Variants in ANAPC11 observed in about 807,000 individuals in gnomAD.
The protein encoded by ANAPC11 is anaphase promoting complex subunit 11.
Under a neutral mutation model 11.8 loss-of-function variants are expected in ANAPC11, and 5 were observed. The ratio of observed to expected loss-of-function variants is 0.42; its 90% CI spans 0.22 to 0.89. The LOEUF is 0.89. Among genes scored for constraint, ANAPC11 ranks in the 40% least tolerant of loss-of-function variants. The pLI is 0.28. For synonymous variants in ANAPC11, 45 were observed against 41.0 expected, an observed-to-expected ratio of 1.10 and a Z score of -0.38; for missense variants, 68 against 112.9, an observed-to-expected ratio of 0.60 and a Z score of 1.80.
At chr17:81,899,488 G>A (rs773681686) in intron 3 of ANAPC11, 3 of 1,614,006 alleles carry the variant, frequency 1.9e-6, no homozygotes, top group African/African-American at 2.7e-5. Context: ...GACCATTCAT[G>A]TGACCTTTTT....
upstream of ANAPC11, chr17:81,890,845 C>G: frequency 1.2e-6 from 2 of 1,614,048 alleles, no homozygotes; most frequent in Non-Finnish European, 1.7e-6. Flanking sequence ...GCAACAAGAG[C>G]AGATCTGTGA....
chr17:81,894,645 G>A, intron 3 of ANAPC11, 59 bp downstream of exon 3: 1 of 1,159,426 alleles, frequency 8.6e-7, no homozygotes. Context: ...CCTCTGTGCT[G>A]TCTGCTGCCT....
At chr17:81,894,121 C>T (rs972124957) in intron 2 of ANAPC11, among the ~76,000 whole-genome samples, 1 of 151,732 alleles carries the variant, frequency 6.6e-6, no homozygotes. Flanking sequence ...ACTAAAAATA[C>T]AAAAATTAGT....
rs1341784540 is a variant in ANAPC11, at chr17:81,900,089, G to A, written c.*24G>A. On this transcript the variant is annotated 3_prime_UTR_variant, in exon 4 of 4. Coordinates refer to ENST00000344877, the MANE Select transcript of ANAPC11 (RefSeq NM_001002248.3). The stretch of plus-strand genomic sequence containing the variant: ...GAGGCCCGACCTGGCTCTCGCTGGA[G>A]GGGCATCCTGAGACTCCTTCCTCAT... 5.6e-6 allele frequency: 9 copies of A among 1,611,468 alleles called. No homozygotes were observed. The highest frequency in any genetic ancestry group is 7.6e-6 in the Non-Finnish European group (9 of 1,179,430).
Position 81,893,539 on chromosome 17 carries a change from G to T in ANAPC11, c.-74-13G>T, listed in dbSNP as rs2039627085. The T allele has an allele frequency of 6.6e-6, 1 of 151,952 alleles. No homozygotes were observed. The allele number at this position is 151,952 out of a possible 1,614,324, so 9.4% of individuals were successfully genotyped here. ...GCCACCACCTGCGGCTAATTTTTTTGTATTTTTTGTAGAGACGGAGTTTCG... is the reference window on the plus strand; with the variant it reads ...GCCACCACCTGCGGCTAATTTTTTTTTATTTTTTGTAGAGACGGAGTTTCG... On this transcript the variant is annotated splice_polypyrimidine_tract_variant and intron_variant, in intron 1 of 3. Coordinates refer to ENST00000344877, the MANE Select transcript of ANAPC11 (RefSeq NM_001002248.3).
chr17:81,891,883 G>A (rs2039544301), intron 1 of ANAPC11, 42 bp downstream of exon 1: 2 of 186,630 alleles, frequency 1.1e-5, no homozygotes, highest in Non-Finnish European at 2.2e-5. Context: ...CGCAGGGGGT[G>A]GGGCGGCGGC....
chr17:81,900,333 TAAAC>T (rs1392024045), downstream of ANAPC11: 6 of 536,660 alleles, frequency 1.1e-5, no homozygotes, highest in African/African-American at 9.7e-5. Context: ...CTCTCATGAA[TAAAC>T]ATCTCCGTGA....
At chr17:81,892,813 A>C (rs1373175847) in intron 1 of ANAPC11, among the ~76,000 whole-genome samples, 1 of 151,850 alleles carries the variant, frequency 6.6e-6, no homozygotes, top group Admixed American at 6.6e-5. Context: ...ATGAGCCACC[A>C]CACCCAGCCC....
At chr17:81,897,424 G>A (rs1386518266) in intron 3 of ANAPC11, among the ~76,000 whole-genome samples, 1 of 152,060 alleles carries the variant, frequency 6.6e-6, no homozygotes, top group Non-Finnish European at 1.5e-5. Context: ...GTGAGCCACT[G>A]CACCCGCCCC....
intron 3 of ANAPC11, among the ~76,000 whole-genome samples, chr17:81,895,928 C>G (rs921784926): frequency 2.0e-5 from 3 of 151,926 alleles, no homozygotes; most frequent in Non-Finnish European, 4.4e-5. Flanking sequence ...GAGCAAGACT[C>G]CATCTCAAAA....
chr17:81,896,798 C>CTT (rs1156391578), intron 3 of ANAPC11, among the ~76,000 whole-genome samples: 14 of 42,908 alleles, frequency 3.3e-4, no homozygotes, highest in East Asian at 9.8e-4. Context: ...GCCTCCTTTG[C>CTT]TTTTTTTTTT....
intron 3 of ANAPC11, among the ~76,000 whole-genome samples, chr17:81,895,211 C>T (rs2039697413): frequency 6.6e-6 from 1 of 152,052 alleles, no homozygotes; most frequent in Non-Finnish European, 1.5e-5. Context: ...TGTGCCACTA[C>T]ACCCGGCTAA....
chr17:81,895,236 G>C (rs1319765950), intron 3 of ANAPC11, among the ~76,000 whole-genome samples: 1 of 151,754 alleles, frequency 6.6e-6, no homozygotes, highest in Non-Finnish European at 1.5e-5. Context: ...GTATTTTTTA[G>C]TAGAGACAGG....
rs2039540060 is a variant in ANAPC11 at position 81,891,790 on chromosome 17, T to C, written c.-126T>C. On this transcript the variant is annotated 5_prime_UTR_variant, in exon 1 of 4. Coordinates refer to ENST00000344877, the MANE Select transcript of ANAPC11 (RefSeq NM_001002248.3). ...GTCGGGCCGCGACTGTGGTCGTTTTTATACCTTCCCGCGCGGACGCCGGCG... is the reference window on the plus strand; with the variant it reads ...GTCGGGCCGCGACTGTGGTCGTTTTCATACCTTCCCGCGCGGACGCCGGCG... 2 of 277,760 alleles carry C rather than the reference T, an allele frequency of 7.2e-6. No individual in the cohort carries two copies. The highest frequency in any genetic ancestry group is 2.3e-5 in the African/African-American group (1 of 43,418). The allele number at this position is 277,760 out of a possible 1,614,324, so 17.2% of individuals were successfully genotyped here. A position where few individuals can be genotyped will look rare whatever the true frequency, so the allele number is the denominator to read the frequency against.
chr17:81,899,528 G>C (rs192673888), intron 3 of ANAPC11: 1 of 1,613,360 alleles, frequency 6.2e-7, no homozygotes, highest in Non-Finnish European at 8.5e-7. Context: ...CTGCAGATGG[G>C]CCCAGGGCCT....
chr17:81,895,032 C>A (rs948406486), intron 3 of ANAPC11, among the ~76,000 whole-genome samples: 22 of 139,194 alleles, frequency 1.6e-4, no homozygotes, highest in East Asian at 1.0e-3. Flanking sequence ...TTTTTATTTT[C>A]TTTTCTTTCT....
downstream of ANAPC11, chr17:81,900,415 G>A (rs929290171): frequency 2.9e-6 from 1 of 343,014 alleles, no homozygotes; most frequent in East Asian, 8.9e-5. Flanking sequence ...AGACGGTAGA[G>A]CCTGGGGCAT....
chr17:81,899,713 C>A, intron 3 of ANAPC11: 1 of 974,298 alleles, frequency 1.0e-6, no homozygotes, highest in Non-Finnish European at 1.5e-6. Context: ...TGTCCGGTGT[C>A]CCTTGGTCAT....
chr17:81,896,081 C>T (rs994726561), intron 3 of ANAPC11, among the ~76,000 whole-genome samples: 1 of 152,130 alleles, frequency 6.6e-6, no homozygotes, highest in Non-Finnish European at 1.5e-5. Flanking sequence ...GCCAGGTGTT[C>T]GAGACCAGCC....
Sources: allele counts gnomAD v4.1 joint callset (sites outside exome capture counted in the v4.1 genomes callset), GRCh38; gene constraint gnomAD v4.1.1; transcripts MANE v1.5; gene names NCBI Gene and HGNC (gene_info 2026-07-23, HGNC 2026-07-21).